The following CERS3 variants were observed in gnomAD, a reference collection of about 807,000 sequenced individuals.
The protein encoded by CERS3 is LAG1 homolog, ceramide synthase 3.
CERS3 carries 33 observed loss-of-function variants against 50.3 expected under a neutral mutation model. The ratio of observed to expected loss-of-function variants is 0.66; its 90% CI spans 0.50 to 0.88. The LOEUF is 0.88. Among genes scored for constraint, CERS3 ranks in the 40% least tolerant of loss-of-function variants. The probability of loss-of-function intolerance (pLI) is 0.00; values close to 1 mark genes in which losing one functional copy is unlikely to be tolerated. For synonymous variants in CERS3, 176 were observed against 155.2 expected (o/e 1.13, Z -0.99); for missense variants, 470 against 460.3 (o/e 1.02, Z -0.19).
intron 11 of CERS3, among the ~76,000 whole-genome samples, chr15:100,416,076 A>G (rs2031880869): frequency 6.6e-6 from 1 of 152,232 alleles, no homozygotes; most frequent in Admixed American, 6.5e-5. Context: ...AGCAACTTAT[A>G]GATTCAATAC....
intron 11 of CERS3, among the ~76,000 whole-genome samples, chr15:100,440,153 C>A (rs540759990): frequency 6.6e-6 from 1 of 152,214 alleles, no homozygotes; most frequent in African/African-American, 2.4e-5. Context: ...CAGGGCCTTT[C>A]CTTCACACCA....
intron 2 of CERS3, among the ~76,000 whole-genome samples, chr15:100,519,826 C>G (rs982857101): frequency 6.6e-6 from 1 of 152,216 alleles, no homozygotes; most frequent in Non-Finnish European, 1.5e-5. Context: ...GCCTTTGTCC[C>G]TCTGTCACAC....
chr15:100,458,585 C>CA lies in CERS3; in HGVS notation c.846-2540dup, dbSNP rs5814967. Among the ~76,000 whole-genome samples, 173 of 127,748 alleles carry CA rather than the reference C, an allele frequency of 1.4e-3. 1 individual carries two copies. The highest frequency in any genetic ancestry group is 4.1e-3 in the African/African-American group (139 of 33,784). 83.8% of individuals were successfully genotyped at this position (127,748 alleles called of 152,430 possible). On this transcript the variant is annotated intron_variant, in intron 10 of 11. Coordinates refer to ENST00000679737, the MANE Select transcript of CERS3 (RefSeq NM_001378789.1). Reference sequence around the variant, plus strand: ...TGGGTGACAGAGCAAGACTCCATCTCAAAAAAAAAAAAAAAGATGTAATAA... The same window carrying CA: ...TGGGTGACAGAGCAAGACTCCATCTCAAAAAAAAAAAAAAAAGATGTAATAA...
chr15:100,413,314 C>A (rs1333317581), intron 11 of CERS3, among the ~76,000 whole-genome samples: 1 of 152,050 alleles, frequency 6.6e-6, no homozygotes, highest in African/African-American at 2.4e-5. Flanking sequence ...AAGGAATAAT[C>A]ATAGCAAGAC....
chr15:100,442,037 TAC>T (rs1481143775), intron 11 of CERS3, among the ~76,000 whole-genome samples: 1 of 152,098 alleles, frequency 6.6e-6, no homozygotes, highest in Non-Finnish European at 1.5e-5. Flanking sequence ...CAGGCCGGCT[TAC>T]AGTTTTGTTC....
intron 11 of CERS3, among the ~76,000 whole-genome samples, chr15:100,450,560 GGA>G (rs2142181542): frequency 6.6e-6 from 1 of 152,072 alleles, no homozygotes; most frequent in African/African-American, 2.4e-5. Flanking sequence ...AGGACATATG[GGA>G]CACTGTAAGG....
intron 2 of CERS3, among the ~76,000 whole-genome samples, chr15:100,518,107 C>A (rs1055432232): frequency 6.6e-6 from 1 of 152,188 alleles, no homozygotes; most frequent in African/African-American, 2.4e-5. Flanking sequence ...AATCGTAAGA[C>A]CTCATACTGG....
At chr15:100,448,865 T>G (rs561325013) in intron 11 of CERS3, among the ~76,000 whole-genome samples, 2 of 152,304 alleles carry the variant, frequency 1.3e-5, no homozygotes, top group South Asian at 4.1e-4. Flanking sequence ...TGACCCCACT[T>G]CCTTAGTAGT....
chr15:100,448,256 G>A (rs1396847567), intron 11 of CERS3, among the ~76,000 whole-genome samples: 1 of 152,148 alleles, frequency 6.6e-6, no homozygotes, highest in Non-Finnish European at 1.5e-5. Flanking sequence ...CAAATAGCGA[G>A]TAGATAATCA....
chr15:100,442,815 T>TTTA lies in CERS3; in HGVS notation c.999+13077_999+13078insTAA, dbSNP rs1567618682. Among the ~76,000 whole-genome samples, 4 of 152,318 alleles carry TTTA rather than the reference T, an allele frequency of 2.6e-5. No individual in the cohort carries two copies. In the East Asian group the frequency reaches 7.7e-4, roughly 29 times the overall value. On this transcript the variant is annotated intron_variant, in intron 11 of 11. Coordinates refer to ENST00000679737, the MANE Select transcript of CERS3 (RefSeq NM_001378789.1). Reference sequence around the variant, plus strand: ...CCCTAGACCATCACGGACGCCGAGCTGCCAGTAACTCTCACAGTGGAAGGT... The same window carrying TTTA: ...CCCTAGACCATCACGGACGCCGAGCTTTAGCCAGTAACTCTCACAGTGGAAGGT...
chr15:100,434,118 C>T (rs1363839959), intron 11 of CERS3, among the ~76,000 whole-genome samples: 3 of 152,220 alleles, frequency 2.0e-5, no homozygotes, highest in African/African-American at 4.8e-5. Flanking sequence ...CTTTGAAAGA[C>T]GTGACCATGT....
In CERS3 at chr15:100,493,561, GGATATGCA is replaced by G. The variant is rs2035713907; in HGVS notation, c.174-2638_174-2631del. On this transcript the variant is annotated intron_variant, in intron 3 of 11. Coordinates refer to ENST00000679737, the MANE Select transcript of CERS3 (RefSeq NM_001378789.1). ...ATACTGGGAGTTTGTTTAGCTTTTT[GGATATGCA>G]GATTCAGAATTCAGGGAAATTTTCG... 2.6e-5 allele frequency among the ~76,000 whole-genome samples: 4 copies of G among 152,198 alleles called. No individual in the cohort carries two copies. In the South Asian group the frequency reaches 6.2e-4, roughly 24 times the overall value.
chr15:100,412,045 T>A (rs1289157997), intron 11 of CERS3, among the ~76,000 whole-genome samples: 1 of 152,188 alleles, frequency 6.6e-6, no homozygotes, highest in Non-Finnish European at 1.5e-5. Context: ...TGCAAATATT[T>A]TCTCTCATTT....
At chr15:100,469,567 T>A in intron 9 of CERS3, 83 bp from the exon 10 acceptor site, 1 of 981,028 alleles carries the variant, frequency 1.0e-6, no homozygotes, top group Non-Finnish European at 1.5e-6. Flanking sequence ...TGATATGAGG[T>A]CTGGGATTTG....
Position 100,402,222 on chromosome 15 carries a change from C to T in CERS3, c.*491G>A, listed in dbSNP as rs1032958477. On this transcript the variant is annotated 3_prime_UTR_variant, in exon 12 of 12. Transcript: ENST00000679737. The stretch of plus-strand genomic sequence containing the variant: ...CCACCGCCCTGTGGAGATGAGGCAC[C>T]TAAGCTTCAGGATGGAAGTGTCTCC... 2.6e-5 allele frequency: 4 copies of T among 154,620 alleles called. No individual in the cohort carries two copies. Among genetic ancestry groups the T allele is most frequent in the African/African-American group, 9.6e-5 (4 of 41,468 alleles). 9.6% of individuals were successfully genotyped at this position (154,620 alleles called of 1,614,324 possible).
intron 4 of CERS3, among the ~76,000 whole-genome samples, chr15:100,490,135 AAT>A (rs1354991751): frequency 6.6e-6 from 1 of 152,208 alleles, no homozygotes; most frequent in Non-Finnish European, 1.5e-5. Context: ...TAACTGTGGA[AAT>A]ATAACAAAAC....
intron 9 of CERS3, among the ~76,000 whole-genome samples, chr15:100,470,554 C>A (rs1209078291): frequency 6.6e-6 from 1 of 152,012 alleles, no homozygotes; most frequent in Non-Finnish European, 1.5e-5. Flanking sequence ...GTGGAAGGAT[C>A]AGGGGCTAGC....
Position 100,402,745 on chromosome 15 carries a change from G to A in CERS3, c.1120C>T (p.His374Tyr), listed in dbSNP as rs376437807. 1.4e-5 allele frequency: 23 copies of A among 1,613,996 alleles called. No individual in the cohort carries two copies. The highest frequency in any genetic ancestry group is 1.9e-5 in the Non-Finnish European group (23 of 1,180,026). ...CLKNGLRAER[H>Y]LIPNGQHGH ...CCATGCTGGCCATTGGGAATGAGGT[G>A]CCTCTCAGCCCTGAGGCCGTTCTTT... Residue 374 changes from histidine (H) to tyrosine (Y), a missense_variant, in exon 12 of 12, where the codon CAC (histidine) becomes TAC (tyrosine). Physicochemically the swap from His to Tyr is moderately conservative, Grantham distance 83. Coordinates refer to ENST00000679737, the MANE Select transcript of CERS3 (RefSeq NM_001378789.1).
rs1213552112 is a variant in CERS3 at position 100,517,526 on chromosome 15, G to C, written c.-2+4141C>G. ...AGTGCCACCAAAGGAATCATTTTATGAAAAAGAGTAGGACCTTGATCAAGA... is the reference window on the plus strand; with the variant it reads ...AGTGCCACCAAAGGAATCATTTTATCAAAAAGAGTAGGACCTTGATCAAGA... On this transcript the variant is annotated intron_variant, in intron 2 of 11. Coordinates refer to ENST00000679737, the MANE Select transcript of CERS3 (RefSeq NM_001378789.1). Among the ~76,000 whole-genome samples, 19 of 152,112 alleles carry C rather than the reference G, an allele frequency of 1.2e-4. 1 individual carries two copies. Among genetic ancestry groups the C allele is most frequent in the Admixed American group, 1.2e-3 (19 of 15,276 alleles).
Sources: gnomAD v4.1 joint callset for allele counts (sites outside exome capture counted in the v4.1 genomes callset) on GRCh38, gnomAD v4.1.1 for gene constraint, MANE v1.5 for transcripts, NCBI Gene and HGNC (gene_info 2026-07-23, HGNC 2026-07-21) for gene names.